Variants in PCDHGA3 observed in about 807,000 individuals in gnomAD.
PCDHGA3 encodes the protein protocadherin gamma subfamily A, 3.
A neutral mutation model predicts 58.5 loss-of-function variants in PCDHGA3; 40 were observed. The ratio of observed to expected loss-of-function variants is 0.68; its 90% CI spans 0.53 to 0.89. PCDHGA3 has a LOEUF of 0.89. PCDHGA3 is among the 40% of genes least tolerant of loss of function. The probability of loss-of-function intolerance (pLI) is 0.00; values close to 1 mark genes in which losing one functional copy is unlikely to be tolerated. For synonymous variants in PCDHGA3, 530 were observed against 525.7 expected (o/e 1.01, Z -0.11); for missense variants, 1,223 against 1,195.9 (o/e 1.02, Z -0.33).
chr5:141,364,999 C>T (rs1763663024), intron 1 of PCDHGA3: 4 of 1,613,862 alleles, frequency 2.5e-6, no homozygotes, highest in Non-Finnish European at 2.5e-6. Context: ...CGGTACTCTC[C>T]GGCACCACGC....
At chr5:141,446,069 C>T (rs552817495) in intron 1 of PCDHGA3, among the ~76,000 whole-genome samples, 1 of 152,102 alleles carries the variant, frequency 6.6e-6, no homozygotes, top group South Asian at 2.1e-4. Flanking sequence ...AAAGGGGAGG[C>T]AGTGGATGTA....
Position 141,504,710 on chromosome 5 carries a change from G to A in PCDHGA3, c.2484-683G>A, listed in dbSNP as rs528205869. The stretch of plus-strand genomic sequence containing the variant: ...AGGAGGGGCAGGTTCTTCTATGGCC[G>A]TGGATTTTACTCTGAGGGCTTAGGA... On this transcript the variant is annotated intron_variant, in intron 2 of 3. Transcript: ENST00000253812. Among the ~76,000 whole-genome samples the A allele has an allele frequency of 1.4e-4, 21 of 151,968 alleles. No homozygotes were observed. The East Asian group carries it at 3.7e-3, about 27-fold the overall frequency.
chr5:141,509,292 T>A (rs1407798154), intron 3 of PCDHGA3, among the ~76,000 whole-genome samples: 1 of 152,028 alleles, frequency 6.6e-6, no homozygotes, highest in Non-Finnish European at 1.5e-5. Context: ...GGGTCCAGGG[T>A]GGAGGCAGAG....
chr5:141,402,422 T>C (rs1385083470), intron 1 of PCDHGA3, among the ~76,000 whole-genome samples: 2 of 151,998 alleles, frequency 1.3e-5, no homozygotes, highest in African/African-American at 2.4e-5. Context: ...CAGAAAAAAT[T>C]GAAGCATCAT....
chr5:141,351,217 TGGA>T (rs1324886463), intron 1 of PCDHGA3: 1 of 1,613,936 alleles, frequency 6.2e-7, no homozygotes, highest in Admixed American at 1.7e-5. Context: ...AAGCTAAGGA[TGGA>T]GGAGTACACA....
At chr5:141,461,981 G>A (rs755173695) in intron 1 of PCDHGA3, among the ~76,000 whole-genome samples, 4 of 152,078 alleles carry the variant, frequency 2.6e-5, no homozygotes, top group Non-Finnish European at 5.9e-5. Context: ...ATGCCACCAC[G>A]CCAGGCTAAT....
rs978109236 is a variant in PCDHGA3, at chr5:141,418,889, A to G, written c.2424+72432A>G. 1.9e-6 allele frequency: 3 copies of G among 1,614,020 alleles called. No homozygotes were observed. The African/African-American group carries it at 4.0e-5, about 21-fold the overall frequency. On this transcript the variant is annotated intron_variant, in intron 1 of 3. Coordinates refer to ENST00000253812, the MANE Select transcript of PCDHGA3 (RefSeq NM_018916.4). Reference sequence around the variant, plus strand: ...AGAAGTTGTAGACGAAAACGACAACAGCCCAGAAATAATCATCACGTCACT... The same window carrying G: ...AGAAGTTGTAGACGAAAACGACAACGGCCCAGAAATAATCATCACGTCACT...
At chr5:141,356,064 A>G (rs1760093561) in intron 1 of PCDHGA3, 1 of 1,613,926 alleles carries the variant, frequency 6.2e-7, no homozygotes, top group Non-Finnish European at 8.5e-7. Context: ...GAGACAAAAT[A>G]TCACAGCTAT....
intron 1 of PCDHGA3, chr5:141,427,807 A>C (rs1443881781): frequency 6.6e-7 from 1 of 1,522,050 alleles, no homozygotes; most frequent in South Asian, 1.1e-5. Flanking sequence ...GTGAGCGCAC[A>C]GAGCGGGGTG....
intron 1 of PCDHGA3, chr5:141,389,406 G>C (rs1235613335): frequency 2.5e-6 from 4 of 1,613,514 alleles, no homozygotes; most frequent in Non-Finnish European, 3.4e-6. Flanking sequence ...CATAAGCGCG[G>C]AGAGCGGGGT....
chr5:141,409,541 G>A (rs1485327824), intron 1 of PCDHGA3: 5 of 1,613,852 alleles, frequency 3.1e-6, no homozygotes, highest in South Asian at 1.1e-5. Flanking sequence ...TGACATCAAC[G>A]ACAACGCCCC....
intron 1 of PCDHGA3, among the ~76,000 whole-genome samples, chr5:141,352,861 G>A (rs1041209949): frequency 2.6e-5 from 4 of 152,108 alleles, no homozygotes; most frequent in African/African-American, 9.7e-5. Context: ...GGTGGCACGC[G>A]CCTGTAGTCC....
At chr5:141,360,065 CT>C in intron 1 of PCDHGA3, 1 of 1,464,436 alleles carries the variant, frequency 6.8e-7, no homozygotes, top group Non-Finnish European at 9.0e-7. Flanking sequence ...GAAAAGTGAC[CT>C]TAGCCCGGAT....
chr5:141,476,098 G>A lies in PCDHGA3; in HGVS notation c.2425-18709G>A, dbSNP rs1241353656. The A allele has an allele frequency of 4.5e-6, 7 of 1,573,026 alleles. No homozygotes were observed. Among genetic ancestry groups the A allele is most frequent in the Non-Finnish European group, 6.0e-6 (7 of 1,163,102 alleles). ...AGGGACGATCTGGACCCCGCTGAGA[G>A]GAACTGCTTTTGAGTGAGATGGTCC... On this transcript the variant is annotated intron_variant, in intron 1 of 3. Transcript: ENST00000253812. This position sits in a 1 kb window ranked among gnomAD's most constrained non-coding sequence, Gnocchi z 7.6.
At chr5:141,404,382 A>T in intron 1 of PCDHGA3, 2 of 1,613,978 alleles carry the variant, frequency 1.2e-6, no homozygotes, top group Non-Finnish European at 1.7e-6. Context: ...GTGATTGCCT[A>T]TGACCCTGAT....
chr5:141,492,398 C>T (rs1347317333), intron 1 of PCDHGA3, among the ~76,000 whole-genome samples: 2 of 152,244 alleles, frequency 1.3e-5, no homozygotes, highest in Non-Finnish European at 1.5e-5. Flanking sequence ...CCACTCGCAG[C>T]TCCCCTCTGC....
intron 1 of PCDHGA3, chr5:141,423,700 G>A (rs753612385): frequency 7.5e-7 from 1 of 1,324,816 alleles, no homozygotes; most frequent in Non-Finnish European, 9.8e-7. Context: ...TTGGTGTCTT[G>A]GCACAAGTCT....
intron 1 of PCDHGA3, chr5:141,418,973 C>T: frequency 3.1e-6 from 5 of 1,613,916 alleles, no homozygotes; most frequent in Non-Finnish European, 3.4e-6. Context: ...CTTCAAAACA[C>T]GGGACCAAGA....
In PCDHGA3 at chr5:141,415,753, T is replaced by G. The variant is rs763784703; in HGVS notation, c.2424+69296T>G. On this transcript the variant is annotated intron_variant, in intron 1 of 3. Transcript: ENST00000253812. The stretch of plus-strand genomic sequence containing the variant: ...ATGTTTATTAAGGTTTTTTTTTTTT[T>G]TTTTTTTTTTTTTTTTTTTACTTTC... 6.3e-5 allele frequency: 87 copies of G among 1,381,374 alleles called. 1 individual carries two copies. The highest frequency in any genetic ancestry group is 3.3e-4 in the Admixed American group (10 of 29,906). 85.6% of individuals were successfully genotyped at this position (1,381,374 alleles called of 1,614,324 possible).
Sources: allele counts gnomAD v4.1 joint callset (sites outside exome capture counted in the v4.1 genomes callset), GRCh38; gene constraint gnomAD v4.1.1; non-coding constraint Gnocchi (gnomAD v3.1); transcripts MANE v1.5; gene names NCBI Gene and HGNC (gene_info 2026-07-23, HGNC 2026-07-21).